SIN3B: variants seen among roughly 807,000 people sequenced by gnomAD.
The protein encoded by SIN3B is SIN3 transcription regulator family member B, also known as paired amphipathic helix protein Sin3b.
In SIN3B, 19 loss-of-function variants were observed where a neutral mutation model predicts 120.2. That is an observed-to-expected ratio of 0.16 (90% CI 0.11 to 0.23). The LOEUF is 0.23. Ranked by LOEUF, SIN3B falls within the 10% of genes least tolerant of loss-of-function variation. The pLI is 1.00. For missense variants in SIN3B, 1,073 were observed against 1,573.0 expected, an observed-to-expected ratio of 0.68 and a Z score of 5.38; for synonymous variants, 654 against 653.2, an observed-to-expected ratio of 1.00 and a Z score of -0.02.
intron 17 of SIN3B, 148 bp from the exon 18 acceptor site, chr19:16,878,035 C>T (rs1336761708): frequency 3.0e-6 from 2 of 677,542 alleles, no homozygotes; most frequent in East Asian, 2.7e-5. Flanking sequence ...GATCTGGGGG[C>T]ATTTCTTGTT....
chr19:16,856,776 T>A (rs779396369), intron 8 of SIN3B, among the ~76,000 whole-genome samples: 2 of 152,180 alleles, frequency 1.3e-5, no homozygotes, highest in Non-Finnish European at 2.9e-5. Context: ...TTTGCCATGT[T>A]GGCCAGGCTG....
chr19:16,856,295 G>A (rs1435535731), intron 8 of SIN3B, among the ~76,000 whole-genome samples: 1 of 152,116 alleles, frequency 6.6e-6, no homozygotes. Flanking sequence ...GCCAGCTGGG[G>A]CCAGTGTTGC....
chr19:16,872,866 C>G (rs1032878834), intron 14 of SIN3B, among the ~76,000 whole-genome samples: 2 of 152,166 alleles, frequency 1.3e-5, no homozygotes, highest in African/African-American at 4.8e-5. Context: ...TGAGATGAAC[C>G]GGCCAAGGAT....
chr19:16,879,857 C>G lies in SIN3B; in HGVS notation c.*1130C>G, dbSNP rs913109435. On this transcript the variant is annotated 3_prime_UTR_variant, in exon 19 of 19. Coordinates refer to ENST00000248054, the MANE Select transcript of SIN3B (RefSeq NM_001297595.2). ...TCCCCGACCATGAGAGCCCCTGGCC[C>G]TGGCCCCTGCACACCAGTAGGCCCA... The G allele has an allele frequency of 6.6e-6, 1 of 152,310 alleles. No individual in the cohort carries two copies. Among genetic ancestry groups the G allele is most frequent in the African/African-American group, 2.4e-5 (1 of 41,458 alleles). 9.4% of individuals were successfully genotyped at this position (152,310 alleles called of 1,614,324 possible). A position where few individuals can be genotyped will look rare whatever the true frequency, so the allele number is the denominator to read the frequency against.
rs997004055 is a variant in SIN3B, at chr19:16,869,220, A to G, written c.1807-240A>G. On this transcript the variant is annotated intron_variant, in intron 12 of 18. Transcript: ENST00000248054. ...TGGCTCCTTTGTCTGGGGTCCCGGGATGACTTGGGTCTGCCTCACTTTCGG... is the reference window on the plus strand; with the variant it reads ...TGGCTCCTTTGTCTGGGGTCCCGGGGTGACTTGGGTCTGCCTCACTTTCGG... Among the ~76,000 whole-genome samples, 5 of 152,076 alleles carry G rather than the reference A, an allele frequency of 3.3e-5. No homozygotes were observed. In the East Asian group the frequency reaches 9.7e-4, roughly 29 times the overall value.
rs900960583 is a variant in SIN3B, at chr19:16,863,203, C to T, written c.1267-477C>T. The T allele has an allele frequency of 7.4e-6, 4 of 542,876 alleles. No individual in the cohort carries two copies. The East Asian group carries it at 1.2e-4, about 17-fold the overall frequency. The allele number at this position is 542,876 out of a possible 1,614,324, so 33.6% of individuals were successfully genotyped here. A position where few individuals can be genotyped will look rare whatever the true frequency, so the allele number is the denominator to read the frequency against. On this transcript the variant is annotated intron_variant, in intron 9 of 18. Coordinates refer to ENST00000248054, the MANE Select transcript of SIN3B (RefSeq NM_001297595.2). ...ACCAATGTCTGAAATGAAATCGGCCCTCCGGATCTGCAAGTTCCTCATCTG... is the reference window on the plus strand; with the variant it reads ...ACCAATGTCTGAAATGAAATCGGCCTTCCGGATCTGCAAGTTCCTCATCTG...
At position 16,869,782 on chromosome 19, in the gene SIN3B, C is replaced by G; in HGVS notation, c.2129C>G (p.Pro710Arg). The G allele has an allele frequency of 2.5e-6, 4 of 1,613,622 alleles. No homozygotes were observed. Among genetic ancestry groups the G allele is most frequent in the Non-Finnish European group, 3.4e-6 (4 of 1,179,880 alleles). ...KPAPGPHSSP[P>R]EEKGAFGDAP... ...GCGCCAGGACCCCACAGTAGCCCCCCAGAGGAGAAGGGGGCCTTCGGGGAT... is the reference window on the plus strand; with the variant it reads ...GCGCCAGGACCCCACAGTAGCCCCCGAGAGGAGAAGGGGGCCTTCGGGGAT... The change falls in exon 13 of 19, where the codon CCA becomes CGA. Residue 710 changes from proline to arginine, a missense_variant. By Grantham distance (103) the Pro-to-Arg change is moderately radical (BLOSUM62 -2). Around this residue, in one of 7 missense-constraint regions of SIN3B, gnomAD observed 169 missense variants for 207.3 expected, o/e 0.82. Coordinates refer to ENST00000248054, the MANE Select transcript of SIN3B (RefSeq NM_001297595.2).
chr19:16,857,688 G>A (rs1230429351), intron 8 of SIN3B, among the ~76,000 whole-genome samples: 4 of 152,028 alleles, frequency 2.6e-5, no homozygotes, highest in Admixed American at 2.0e-4. Flanking sequence ...TAGACTCCAG[G>A]AGCACCCCCG....
chr19:16,875,957 C>G, intron 14 of SIN3B, 98 bp from the exon 15 acceptor site: 7 of 1,381,248 alleles, frequency 5.1e-6, no homozygotes, highest in Non-Finnish European at 6.8e-6. Context: ...CACTCTCCAT[C>G]CTGATGTGTT....
At chr19:16,849,166 T>C (rs1484749851) in intron 5 of SIN3B, among the ~76,000 whole-genome samples, 1 of 152,228 alleles carries the variant, frequency 6.6e-6, no homozygotes, top group East Asian at 1.9e-4. Flanking sequence ...TGGACATATA[T>C]TAAAACTGTA....
In SIN3B at chr19:16,843,030, G is replaced by A. The variant is rs1238781538; in HGVS notation, c.582+1062G>A. ...GAGGGACATCTGTGTCGTGAGTGGG[G>A]CTTAGACGTCCTCTTCACCCAGACG... is the stretch of plus-strand genomic sequence containing the variant. On this transcript the variant is annotated intron_variant, in intron 4 of 18. Coordinates refer to ENST00000248054, the MANE Select transcript of SIN3B (RefSeq NM_001297595.2). 3.9e-5 allele frequency among the ~76,000 whole-genome samples: 6 copies of A among 152,306 alleles called. No homozygotes were observed. In the East Asian group the frequency reaches 1.2e-3, roughly 29 times the overall value.
chr19:16,829,722 C>T, intron 1 of SIN3B, 69 bp from the exon 2 acceptor site: 1 of 1,445,112 alleles, frequency 6.9e-7, no homozygotes, highest in Non-Finnish European at 9.7e-7. Flanking sequence ...CCCTTCCCCT[C>T]AGGGACCCCG....
chr19:16,877,383 G>A, intron 16 of SIN3B, 162 bp from the exon 17 acceptor site: 1 of 611,214 alleles, frequency 1.6e-6, no homozygotes, highest in Non-Finnish European at 2.9e-6. Flanking sequence ...ATAGTCTGTT[G>A]GGGTCTCCGT....
chr19:16,856,652 A>G (rs1213057033), intron 8 of SIN3B, among the ~76,000 whole-genome samples: 1 of 151,852 alleles, frequency 6.6e-6, no homozygotes, highest in East Asian at 1.9e-4. Context: ...GCTCACTGCA[A>G]CCTCCACCTC....
At chr19:16,875,027 TTGGTC>T (rs1216546028) in intron 14 of SIN3B, among the ~76,000 whole-genome samples, 15 of 151,222 alleles carry the variant, frequency 9.9e-5, no homozygotes, top group East Asian at 3.9e-4. Flanking sequence ...TTGGTCTGGT[TTGGTC>T]TGGTCTGGTC....
At chr19:16,858,848 G>T (rs1005046871) in intron 8 of SIN3B, among the ~76,000 whole-genome samples, 3 of 152,146 alleles carry the variant, frequency 2.0e-5, no homozygotes, top group Non-Finnish European at 2.9e-5. Flanking sequence ...TACTTGGGAG[G>T]CTGAGACAGG....
rs1764342167 is a variant in SIN3B at position 16,862,571 on chromosome 19, T to TG, written c.1266+16dup. 6.2e-7 allele frequency: 1 copy of TG among 1,608,916 alleles called. No individual in the cohort carries two copies. Among genetic ancestry groups the TG allele is most frequent in the African/African-American group, 1.3e-5 (1 of 74,786 alleles). On this transcript the variant is annotated intron_variant, in intron 9 of 18. Transcript: ENST00000248054. The surrounding 1 kb of genome is among the most constrained non-coding windows in gnomAD (Gnocchi z 4.7). ...CCATCTGCAAGGAGGTAGCGCTCCC[T>TG]GGGGCTCAAATGTTCGTTGACATGG...
intron 8 of SIN3B, among the ~76,000 whole-genome samples, chr19:16,857,839 T>G (rs1485700805): frequency 2.0e-5 from 3 of 152,168 alleles, no homozygotes; most frequent in African/African-American, 7.2e-5. Context: ...TGGGTTGGGT[T>G]TGCTTTGCTT....
chr19:16,838,651 G>A (rs1971378045), intron 3 of SIN3B, among the ~76,000 whole-genome samples: 1 of 152,080 alleles, frequency 6.6e-6, no homozygotes, highest in Non-Finnish European at 1.5e-5. Flanking sequence ...CATGTGTGAG[G>A]ATGTGTTGGA....
Sources: gnomAD v4.1 joint callset for allele counts (sites outside exome capture counted in the v4.1 genomes callset) on GRCh38, gnomAD v4.1.1 for gene constraint, gnomAD v4.1.1 regional missense constraint, Gnocchi (gnomAD v3.1) non-coding constraint, MANE v1.5 for transcripts, NCBI Gene and HGNC (gene_info 2026-07-23, HGNC 2026-07-21) for gene names.